FRMPD1: variants seen among roughly 807,000 people sequenced by gnomAD.
FRMPD1 encodes the protein FERM and PDZ domain containing 1.
Under a neutral mutation model 117.8 loss-of-function variants are expected in FRMPD1, and 76 were observed. The ratio of observed to expected loss-of-function variants is 0.65; its 90% CI spans 0.54 to 0.78. The LOEUF is 0.78. FRMPD1 is among the 30% of genes least tolerant of loss of function. The pLI is 0.00. For synonymous variants in FRMPD1, 783 were observed against 770.4 expected (o/e 1.02, Z -0.27); for missense variants, 1,786 against 1,964.5 (o/e 0.91, Z 1.72).
At chr9:37,681,918 A>T (rs1421187688) in intron 1 of FRMPD1, among the ~76,000 whole-genome samples, 1 of 152,208 alleles carries the variant, frequency 6.6e-6, no homozygotes, top group African/African-American at 2.4e-5. Context: ...AAAGGAGATG[A>T]TCACAGGCTG....
intron 5 of FRMPD1, among the ~76,000 whole-genome samples, chr9:37,716,030 A>G (rs1367897373): frequency 6.6e-6 from 1 of 152,188 alleles, no homozygotes; most frequent in Non-Finnish European, 1.5e-5. Flanking sequence ...TTTCGGGACA[A>G]GAGTCCAATT....
the FRMPD1 span, among the ~76,000 whole-genome samples, chr9:37,615,235 C>A: frequency 6.6e-6 from 1 of 152,072 alleles, no homozygotes; most frequent in African/African-American, 2.4e-5. Flanking sequence ...ATGTCAGCCT[C>A]CTGAGTAGCT....
intron 4 of FRMPD1, 30 bp downstream of exon 4, chr9:37,708,531 A>G (rs374155122): frequency 1.9e-5 from 23 of 1,223,598 alleles, no homozygotes; most frequent in Non-Finnish European, 2.7e-5. Context: ...CATCTACAGA[A>G]TTGCACAGAT....
intron 1 of FRMPD1, among the ~76,000 whole-genome samples, chr9:37,686,412 G>C (rs117300966): frequency 0.023 from 3,459 of 152,340 alleles, 65 homozygotes; most frequent in Middle Eastern, 0.054. Context: ...CTTCTTGGCA[G>C]TGGGACCGTA....
intron 1 of FRMPD1, among the ~76,000 whole-genome samples, chr9:37,675,300 T>C (rs543403567): frequency 6.6e-6 from 1 of 151,840 alleles, no homozygotes; most frequent in East Asian, 1.9e-4. Flanking sequence ...CGCACACCAG[T>C]AATCCAGCTA....
intron 9 of FRMPD1, among the ~76,000 whole-genome samples, chr9:37,731,474 C>G (rs1040854692): frequency 6.6e-6 from 1 of 152,220 alleles, no homozygotes; most frequent in African/African-American, 2.4e-5. Context: ...GGGTCACTCA[C>G]TTAGTGGCAG....
intron 4 of FRMPD1, among the ~76,000 whole-genome samples, chr9:37,709,351 T>G (rs372047637): frequency 0.17 from 3,408 of 19,952 alleles, 57 homozygotes; most frequent in Non-Finnish European, 0.27. Context: ...GTATTAATTG[T>G]TTTTTTTTCC....
the FRMPD1 span, among the ~76,000 whole-genome samples, chr9:37,641,083 T>C: frequency 5.4e-4 from 83 of 152,312 alleles, no homozygotes; most frequent in Non-Finnish European, 1.1e-3. Context: ...AGACTGCATT[T>C]TGCCATGTTA....
intron 3 of FRMPD1, among the ~76,000 whole-genome samples, chr9:37,708,118 T>C (rs1822779825): frequency 6.6e-6 from 1 of 152,208 alleles, no homozygotes; most frequent in Non-Finnish European, 1.5e-5. Flanking sequence ...ATGGAGTAGA[T>C]TTACTGGCCA....
the FRMPD1 span, among the ~76,000 whole-genome samples, chr9:37,607,807 C>T: frequency 6.6e-6 from 1 of 152,158 alleles, no homozygotes; most frequent in Non-Finnish European, 1.5e-5. Context: ...ATGTTAGAAG[C>T]TCGCTGCTTC....
rs765831714 is a variant in FRMPD1 at position 37,737,224 on chromosome 9, C to A, written c.1530C>A (p.His510Gln). 1 of 1,613,904 alleles carries A rather than the reference C, an allele frequency of 6.2e-7. No individual in the cohort carries two copies. Among genetic ancestry groups the A allele is most frequent in the Non-Finnish European group, 8.5e-7 (1 of 1,180,022 alleles). The change falls in exon 14 of 16, where the codon CAC (histidine) becomes CAA (glutamine). Residue 510 changes from histidine to glutamine, a missense_variant. Physicochemically the swap from His to Gln is conservative, Grantham distance 24. Coordinates refer to ENST00000377765, the MANE Select transcript of FRMPD1 (RefSeq NM_014907.3). ...GGCCTGGAAACAAACAACAAGCGCA[C>A]CGGGTATCTGCAGAAGAAGGTGAGG... The part of the protein sequence containing the change: ...FLWPGNKQQA[H>Q]RVSAEEGYES...
At chr9:37,635,451 A>G in the FRMPD1 span, among the ~76,000 whole-genome samples, 1 of 151,924 alleles carries the variant, frequency 6.6e-6, no homozygotes, top group Admixed American at 6.6e-5. Flanking sequence ...TTTTCCTTGC[A>G]AAAACCCTCA....
At chr9:37,657,572 C>G (rs1486831993) in intron 1 of FRMPD1, among the ~76,000 whole-genome samples, 2 of 152,182 alleles carry the variant, frequency 1.3e-5, no homozygotes, top group Non-Finnish European at 2.9e-5. Flanking sequence ...GAGATACATA[C>G]TTGGCCTCTT....
chr9:37,629,164 A>G, the FRMPD1 span, among the ~76,000 whole-genome samples: 1 of 151,880 alleles, frequency 6.6e-6, no homozygotes, highest in Non-Finnish European at 1.5e-5. Context: ...GTGCCATTGC[A>G]CTCCAGCCTG....
In FRMPD1 at chr9:37,740,646, C is replaced by T. The variant is rs748075955; in HGVS notation, c.2118C>T (p.Tyr706=). 2 of 1,614,174 alleles carry T rather than the reference C, an allele frequency of 1.2e-6. No individual in the cohort carries two copies. Among genetic ancestry groups the T allele is most frequent in the Non-Finnish European group, 1.7e-6 (2 of 1,180,002 alleles). ...PRLYEGSHAD[Y]YSLCSSVSPA... is the part of the protein sequence containing the mutation. Reference sequence around the variant, plus strand: ...TGTATGAAGGCAGCCACGCTGACTACTACAGCCTGTGTTCCAGTGTCTCCC... The same window carrying T: ...TGTATGAAGGCAGCCACGCTGACTATTACAGCCTGTGTTCCAGTGTCTCCC... Residue 706 remains tyrosine, a synonymous_variant, in exon 15 of 16, where the codon TAC becomes TAT. Coordinates refer to ENST00000377765, the MANE Select transcript of FRMPD1 (RefSeq NM_014907.3). This position sits in a 1 kb window ranked among gnomAD's most constrained non-coding sequence, Gnocchi z 4.2.
At chr9:37,647,088 A>T (rs1824152933), upstream of FRMPD1, among the ~76,000 whole-genome samples, 1 of 152,186 alleles carries the variant, frequency 6.6e-6, no homozygotes, top group Non-Finnish European at 1.5e-5. Flanking sequence ...TCAGAGAGGG[A>T]CAAGGCACAA....
rs116020197 is a variant in FRMPD1, at chr9:37,696,277, T to C, written c.101+3535T>C. Among the ~76,000 whole-genome samples, 858 of 152,018 alleles carry C rather than the reference T, an allele frequency of 5.6e-3. 10 individuals are homozygous for C. Among genetic ancestry groups the C allele is most frequent in the African/African-American group, 0.019 (774 of 41,440 alleles). On this transcript the variant is annotated intron_variant, in intron 2 of 15. Coordinates refer to ENST00000377765, the MANE Select transcript of FRMPD1 (RefSeq NM_014907.3). ...ATTCTCTTGCTTGTTTCCTCCAGGG[T>C]ACTTACCTGCTCATCACGCTTTATA...
At chr9:37,744,343 CT>C (rs746290082) in intron 15 of FRMPD1, 45 bp from the exon 16 acceptor site, 63 of 1,433,278 alleles carry the variant, frequency 4.4e-5, no homozygotes, top group South Asian at 1.9e-4. Flanking sequence ...CTATTAACCT[CT>C]TTTTTTTGTG....
chr9:37,662,482 G>A (rs924886946), intron 1 of FRMPD1, among the ~76,000 whole-genome samples: 3 of 152,190 alleles, frequency 2.0e-5, no homozygotes, highest in Admixed American at 6.5e-5. Flanking sequence ...CTAGTGTGGG[G>A]ACAAATAAGA....
Sources: allele counts gnomAD v4.1 joint callset (sites outside exome capture counted in the v4.1 genomes callset), GRCh38; gene constraint gnomAD v4.1.1; non-coding constraint Gnocchi (gnomAD v3.1); transcripts MANE v1.5; gene names NCBI Gene and HGNC (gene_info 2026-07-23, HGNC 2026-07-21).